Variants in KLF12 observed in about 807,000 individuals in gnomAD.
KLF12 encodes the protein KLF transcription factor 12, also known as Krueppel-like factor 12.
A neutral mutation model predicts 37.8 loss-of-function variants in KLF12; 9 were observed. The ratio of observed to expected loss-of-function variants is 0.24; its 90% CI spans 0.14 to 0.42. The LOEUF (loss-of-function observed/expected upper bound fraction) is 0.42. KLF12 is among the 10% of genes least tolerant of loss of function. The pLI, the probability that KLF12 is intolerant of heterozygous loss-of-function variation, is 1.00. For missense variants in KLF12, 411 were observed against 516.0 expected, an observed-to-expected ratio of 0.80 and a Z score of 1.97; for synonymous variants, 208 against 202.1, an observed-to-expected ratio of 1.03 and a Z score of -0.25.
At chr13:74,150,301 C>T in the KLF12 span, among the ~76,000 whole-genome samples, 1 of 152,176 alleles carries the variant, frequency 6.6e-6, no homozygotes, top group African/African-American at 2.4e-5. Flanking sequence ...ATCAATGGAG[C>T]ATTAGTACAG....
At chr13:73,801,539 A>C (rs1199267306) in intron 5 of KLF12, 1 of 152,144 alleles carries the variant, frequency 6.6e-6, no homozygotes, top group East Asian at 1.9e-4. Flanking sequence ...ACCTACACTC[A>C]CTAGTTACAC....
At chr13:74,179,437 C>T in the KLF12 span, among the ~76,000 whole-genome samples, 1 of 152,130 alleles carries the variant, frequency 6.6e-6, no homozygotes, top group East Asian at 1.9e-4. Context: ...TTTTGAATGT[C>T]AGTGTTACAT....
In KLF12 at chr13:73,846,200, G is replaced by A; in HGVS notation, c.297C>T (p.Ser99=). ...AGGCAGATGCTGTCATGGAAACTGG[G>A]GAGGATGAAACGGCAGTAGGGGACG... is the stretch of plus-strand genomic sequence containing the variant. Residue 99 remains serine, a synonymous_variant, in exon 4 of 8, where the codon TCC becomes TCT. Transcript: ENST00000377669. The A allele has an allele frequency of 6.2e-7, 1 of 1,614,142 alleles. No individual in the cohort carries two copies. The highest frequency in any genetic ancestry group is 8.5e-7 in the Non-Finnish European group (1 of 1,180,008).
intron 5 of KLF12, among the ~76,000 whole-genome samples, chr13:73,805,469 T>C (rs555997800): frequency 6.6e-6 from 1 of 151,922 alleles, no homozygotes; most frequent in South Asian, 2.1e-4. Flanking sequence ...TATACAAAAA[T>C]TAGCTGGCCT....
chr13:74,176,486 C>T, the KLF12 span, among the ~76,000 whole-genome samples: 1 of 152,296 alleles, frequency 6.6e-6, no homozygotes, highest in Admixed American at 6.5e-5. Context: ...TTATAACCCT[C>T]ACCCCACTCC....
At chr13:73,887,425 T>C (rs1389314684) in intron 3 of KLF12, among the ~76,000 whole-genome samples, 1 of 152,008 alleles carries the variant, frequency 6.6e-6, no homozygotes, top group African/African-American at 2.4e-5. Flanking sequence ...TTGCCATGAG[T>C]TCACAGGAGA....
chr13:74,019,857 T>C (rs538192840), intron 1 of KLF12, among the ~76,000 whole-genome samples: 1 of 152,348 alleles, frequency 6.6e-6, no homozygotes, highest in East Asian at 1.9e-4. Context: ...CATGCTCTCA[T>C]TGCTCAGGGT....
At chr13:74,164,241 G>C in the KLF12 span, among the ~76,000 whole-genome samples, 1 of 151,990 alleles carries the variant, frequency 6.6e-6, no homozygotes, top group Non-Finnish European at 1.5e-5. Context: ...CATATTTATG[G>C]CTTTTTTTGC....
At chr13:73,894,717 T>C (rs1887677966) in intron 3 of KLF12, among the ~76,000 whole-genome samples, 1 of 152,178 alleles carries the variant, frequency 6.6e-6, no homozygotes, top group Non-Finnish European at 1.5e-5. Context: ...ACAATAATAA[T>C]GATTGTGCTA....
the KLF12 span, among the ~76,000 whole-genome samples, chr13:74,230,199 A>C: frequency 6.6e-6 from 1 of 152,044 alleles, no homozygotes; most frequent in Non-Finnish European, 1.5e-5. Context: ...AGTTCTCACG[A>C]GATCATATGG....
chr13:74,090,243 AC>A (rs1418670255), intron 1 of KLF12, among the ~76,000 whole-genome samples: 1 of 152,074 alleles, frequency 6.6e-6, no homozygotes, highest in Admixed American at 6.5e-5. Context: ...GAAGTATAAA[AC>A]CTATACTCTG....
chr13:73,945,110 TA>T (rs1890359195), intron 2 of KLF12, among the ~76,000 whole-genome samples: 1 of 152,180 alleles, frequency 6.6e-6, no homozygotes, highest in Admixed American at 6.5e-5. Flanking sequence ...AAGATAAGTA[TA>T]ATTTCTAAAT....
intron 4 of KLF12, among the ~76,000 whole-genome samples, chr13:73,814,819 T>C (rs1883129598): frequency 6.6e-6 from 1 of 151,898 alleles, no homozygotes; most frequent in African/African-American, 2.4e-5. Flanking sequence ...ATTGTAGACA[T>C]TCCACCATGC....
intron 3 of KLF12, among the ~76,000 whole-genome samples, chr13:73,920,321 T>C (rs1889053853): frequency 6.6e-6 from 1 of 152,082 alleles, no homozygotes; most frequent in Non-Finnish European, 1.5e-5. Flanking sequence ...GAAGCTTGGT[T>C]GTGTCTTCAT....
At chr13:73,805,615 AGGGAGGGAGGGAGGGAGGG>A (rs1566380043) in intron 5 of KLF12, among the ~76,000 whole-genome samples, 6 of 37,048 alleles carry the variant, frequency 1.6e-4, no homozygotes, top group Non-Finnish European at 2.5e-4. Context: ...GAAGGAAGGG[AGGGAGGGAGGGAGGGAGGG>A]AGGGAGGGAG....
chr13:74,213,912 T>C, the KLF12 span, among the ~76,000 whole-genome samples: 2 of 152,170 alleles, frequency 1.3e-5, no homozygotes, highest in African/African-American at 4.8e-5. Flanking sequence ...TCTTATCAAA[T>C]GAAGATTTAG....
chr13:73,899,383 T>A (rs993069434), intron 3 of KLF12, among the ~76,000 whole-genome samples: 1 of 151,904 alleles, frequency 6.6e-6, no homozygotes, highest in Admixed American at 6.6e-5. Context: ...AGGACAATAA[T>A]CTCTCAACCC....
At chr13:73,833,916 A>G (rs1023947967) in intron 4 of KLF12, among the ~76,000 whole-genome samples, 1 of 152,088 alleles carries the variant, frequency 6.6e-6, no homozygotes, top group Non-Finnish European at 1.5e-5. Context: ...TTCAGACTGC[A>G]CGTCTACACT....
intron 6 of KLF12, among the ~76,000 whole-genome samples, chr13:73,718,568 C>A (rs1040230486): frequency 2.0e-5 from 3 of 151,958 alleles, no homozygotes; most frequent in African/African-American, 7.3e-5. Context: ...CCAGCCTGGG[C>A]CAACATGGTG....
Sources: gnomAD v4.1 joint callset for allele counts (sites outside exome capture counted in the v4.1 genomes callset) on GRCh38, gnomAD v4.1.1 for gene constraint, MANE v1.5 for transcripts, NCBI Gene and HGNC (gene_info 2026-07-23, HGNC 2026-07-21) for gene names.